Variants in RAD51B observed in about 807,000 individuals in gnomAD.
The protein encoded by RAD51B is DNA repair protein RAD51 homolog 2.
A neutral mutation model predicts 42.2 loss-of-function variants in RAD51B; 38 were observed. The ratio of observed to expected loss-of-function variants is 0.90; its 90% CI spans 0.70 to 1.18. The LOEUF is 1.18. RAD51B is among the 50% of genes most tolerant of loss of function. The pLI is 0.00. For synonymous variants in RAD51B, 154 were observed against 145.2 expected (o/e 1.06, Z -0.43); for missense variants, 373 against 400.7 (o/e 0.93, Z 0.59).
At chr14:68,004,969 A>G (rs1449186296) in intron 7 of RAD51B, among the ~76,000 whole-genome samples, 2 of 140,700 alleles carry the variant, frequency 1.4e-5, no homozygotes, top group Non-Finnish European at 3.0e-5. Flanking sequence ...GCAGTATACT[A>G]TTTTGTGATT....
chr14:68,349,319 G>T (rs918014380), intron 8 of RAD51B, among the ~76,000 whole-genome samples: 1 of 151,832 alleles, frequency 6.6e-6, no homozygotes, highest in Non-Finnish European at 1.5e-5. Flanking sequence ...AGAATGTTCT[G>T]TTCTCTTTAC....
chr14:68,320,652 C>T lies in RAD51B; in HGVS notation c.853+28672C>T, dbSNP rs1387651621. Among the ~76,000 whole-genome samples, 4 of 152,182 alleles carry T rather than the reference C, an allele frequency of 2.6e-5. No homozygotes were observed. The East Asian group carries it at 5.8e-4, about 22-fold the overall frequency. ...GCCCAACACCCACTTTCTTTTAGAA[C>T]CAACACATATTCCTTCTGGCTCACT... On this transcript the variant is annotated intron_variant, in intron 8 of 10. Coordinates refer to ENST00000471583, the MANE Select transcript of RAD51B (RefSeq NM_133510.4).
intron 5 of RAD51B, among the ~76,000 whole-genome samples, chr14:67,881,004 A>G (rs573675032): frequency 2.6e-5 from 4 of 152,332 alleles, no homozygotes; most frequent in African/African-American, 9.6e-5. Flanking sequence ...TAGATGGTAT[A>G]GCCTACTGCG....
At chr14:68,395,050 TC>T (rs1029604663) in intron 8 of RAD51B, among the ~76,000 whole-genome samples, 6 of 151,956 alleles carry the variant, frequency 3.9e-5, no homozygotes, top group African/African-American at 9.7e-5. Flanking sequence ...TCTGTCGGCA[TC>T]CCCCCCTTTC....
chr14:68,049,106 G>A (rs1021388852), intron 7 of RAD51B, among the ~76,000 whole-genome samples: 12 of 152,024 alleles, frequency 7.9e-5, no homozygotes, highest in African/African-American at 2.9e-4. Context: ...ACTACCGCAA[G>A]GACAAAAAAC....
intron 7 of RAD51B, among the ~76,000 whole-genome samples, chr14:67,992,217 GA>G (rs1242048429): frequency 6.6e-6 from 1 of 152,244 alleles, no homozygotes; most frequent in African/African-American, 2.4e-5. Context: ...GCTACAAAAA[GA>G]AGCCTATAAG....
At position 68,477,746 on chromosome 14, in the gene RAD51B, C is replaced by T. The variant is rs185990519; in HGVS notation, c.*82C>T. 2.4e-5 allele frequency: 38 copies of T among 1,575,960 alleles called. No individual in the cohort carries two copies. The Admixed American group carries it at 3.9e-4, about 16-fold the overall frequency. ...GACCGTACTGCTTGGAAGAAGGAAA[C>T]GGAAGCTGACATAATGGGGATTAAT... On this transcript the variant is annotated 3_prime_UTR_variant, in exon 11 of 11. Transcript: ENST00000471583.
intron 7 of RAD51B, among the ~76,000 whole-genome samples, chr14:68,037,104 CT>C (rs2076139078): frequency 1.2e-4 from 1 of 8,104 alleles, no homozygotes; most frequent in Non-Finnish European, 2.8e-4. Context: ...TTTCCCTCCC[CT>C]CCCCTCCCCT....
chr14:68,298,962 A>C (rs999968543), intron 8 of RAD51B, among the ~76,000 whole-genome samples: 1 of 152,118 alleles, frequency 6.6e-6, no homozygotes, highest in East Asian at 1.9e-4. Context: ...AAGGATCGTA[A>C]CAAGGTCTAG....
chr14:68,552,398 C>T (rs960361417), intron 10 of RAD51B, among the ~76,000 whole-genome samples: 6 of 152,186 alleles, frequency 3.9e-5, no homozygotes, highest in Admixed American at 2.6e-4. Flanking sequence ...TTCCTTCAGT[C>T]ATGTTGACAA....
intron 11 of RAD51B, among the ~76,000 whole-genome samples, chr14:68,660,876 C>T (rs1400086375): frequency 3.9e-5 from 6 of 152,188 alleles, no homozygotes; most frequent in African/African-American, 1.4e-4. Context: ...GAGAACTCTG[C>T]AGGATCAAAA....
intron 10 of RAD51B, among the ~76,000 whole-genome samples, chr14:68,484,726 G>A (rs562228867): frequency 1.3e-5 from 2 of 150,584 alleles, no homozygotes; most frequent in South Asian, 4.2e-4. Flanking sequence ...ATACTGTTAA[G>A]GATATAGGTG....
At chr14:68,067,872 CGGTGA>C (rs1343268893) in intron 7 of RAD51B, among the ~76,000 whole-genome samples, 4 of 122,652 alleles carry the variant, frequency 3.3e-5, no homozygotes, top group Admixed American at 1.1e-4. Context: ...GCAGAGGTTG[CGGTGA>C]GTCATGATCA....
chr14:67,917,717 A>C (rs1356814314), intron 7 of RAD51B, among the ~76,000 whole-genome samples: 1 of 152,194 alleles, frequency 6.6e-6, no homozygotes, highest in African/African-American at 2.4e-5. Flanking sequence ...AAAGGAGTCT[A>C]TGTTTTTGGC....
At chr14:68,357,597 T>C (rs2139898435) in intron 8 of RAD51B, among the ~76,000 whole-genome samples, 1 of 152,260 alleles carries the variant, frequency 6.6e-6, no homozygotes, top group Non-Finnish European at 1.5e-5. Flanking sequence ...ATTTCTTAAA[T>C]AATAAGTCTT....
chr14:68,573,455 A>G (rs1316598323), intron 10 of RAD51B, among the ~76,000 whole-genome samples: 1 of 152,176 alleles, frequency 6.6e-6, no homozygotes, highest in Non-Finnish European at 1.5e-5. Context: ...TTTCTTAAGG[A>G]GAGCTTTGCT....
chr14:68,680,569 T>C (rs1398093258), intron 11 of RAD51B, among the ~76,000 whole-genome samples: 1 of 152,180 alleles, frequency 6.6e-6, no homozygotes, highest in Non-Finnish European at 1.5e-5. Context: ...AATGCAAGCT[T>C]CAGCACACCA....
intron 7 of RAD51B, among the ~76,000 whole-genome samples, chr14:68,011,755 T>A (rs2075686832): frequency 6.6e-6 from 1 of 152,094 alleles, no homozygotes; most frequent in African/African-American, 2.4e-5. Flanking sequence ...CGGCACAACC[T>A]GTTAACAGCT....
intron 7 of RAD51B, among the ~76,000 whole-genome samples, chr14:67,975,977 C>G (rs1422957779): frequency 2.0e-5 from 3 of 152,136 alleles, no homozygotes; most frequent in African/African-American, 7.2e-5. Flanking sequence ...TGCTTATATT[C>G]CTTGCTTTTT....
Sources: gnomAD v4.1 joint callset for allele counts (sites outside exome capture counted in the v4.1 genomes callset) on GRCh38, gnomAD v4.1.1 for gene constraint, MANE v1.5 for transcripts, NCBI Gene and HGNC (gene_info 2026-07-23, HGNC 2026-07-21) for gene names.